Variants in TTBK2 observed in about 807,000 individuals in gnomAD.
TTBK2 encodes tau-tubulin kinase 2.
In TTBK2, 28 loss-of-function variants were observed where a neutral mutation model predicts 110.8. The observed-to-expected ratio is 0.25, with a 90% confidence interval of 0.19 to 0.35. The LOEUF (loss-of-function observed/expected upper bound fraction) is 0.35. Ranked by LOEUF, TTBK2 falls within the 10% of genes least tolerant of loss-of-function variation. TTBK2 has a pLI of 1.00. For missense variants in TTBK2, 1,369 were observed against 1,500.3 expected (o/e 0.91, Z 1.45); for synonymous variants, 532 against 527.3 (o/e 1.01, Z -0.12).
At chr15:42,755,917 C>T (rs2061939297) in intron 13 of TTBK2, among the ~76,000 whole-genome samples, 1 of 152,130 alleles carries the variant, frequency 6.6e-6, no homozygotes, top group South Asian at 2.1e-4. Flanking sequence ...AAAATCGGGC[C>T]AGGTGTGGTG....
intron 2 of TTBK2, among the ~76,000 whole-genome samples, chr15:42,876,469 A>G (rs985463125): frequency 1.3e-5 from 2 of 152,216 alleles, no homozygotes; most frequent in Admixed American, 6.5e-5. Context: ...ATAAAAGATT[A>G]GCAACTGCTG....
intron 3 of TTBK2, among the ~76,000 whole-genome samples, chr15:42,862,997 A>G (rs1894220630): frequency 1.3e-5 from 2 of 152,194 alleles, no homozygotes; most frequent in Non-Finnish European, 2.9e-5. Flanking sequence ...TTCCCATGAG[A>G]ACTGGAATAA....
In TTBK2 at chr15:42,739,348, G is replaced by T. The variant is rs1351037331; in HGVS notation, c.*6447C>A. ...CTCATTGGTCTTGTTCAACAAGAAA[G>T]AATTCTGGTTTGTGGCTGAATCTGA... On this transcript the variant is annotated 3_prime_UTR_variant, in exon 15 of 15. Transcript: ENST00000267890. The T allele has an allele frequency of 1.3e-5, 2 of 152,222 alleles. No individual in the cohort carries two copies. Among genetic ancestry groups the T allele is most frequent in the African/African-American group, 4.8e-5 (2 of 41,448 alleles). 9.4% of individuals were successfully genotyped at this position (152,222 alleles called of 1,614,324 possible). A position where few individuals can be genotyped will look rare whatever the true frequency, so the allele number is the denominator to read the frequency against.
rs886051163 is a variant in TTBK2 at position 42,920,423 on chromosome 15, G to A, written c.-68+15C>T. On this transcript the variant is annotated intron_variant, in intron 1 of 14. Transcript: ENST00000267890. ...GGGAGGGCGGCGCCCTGGGGGGTCG[G>A]GGGGTGTGTCCTACCTGGGCCGTGG... 6.6e-6 allele frequency: 1 copy of A among 152,662 alleles called. No homozygotes were observed. The highest frequency in any genetic ancestry group is 1.5e-5 in the Non-Finnish European group (1 of 68,464). 9.5% of individuals were successfully genotyped at this position (152,662 alleles called of 1,614,324 possible).
chr15:42,810,430 C>T (rs1891658167), intron 9 of TTBK2, among the ~76,000 whole-genome samples, 184 bp downstream of exon 9: 1 of 152,128 alleles, frequency 6.6e-6, no homozygotes, highest in Non-Finnish European at 1.5e-5. Flanking sequence ...AGGGATGAAA[C>T]ACATAACACA....
At chr15:42,874,480 C>A (rs1894734644) in intron 2 of TTBK2, among the ~76,000 whole-genome samples, 1 of 151,524 alleles carries the variant, frequency 6.6e-6, no homozygotes, top group Non-Finnish European at 1.5e-5. Flanking sequence ...CCACGCTTGG[C>A]TAATTTTTGT....
At chr15:42,858,464 C>A (rs1193887561) in intron 3 of TTBK2, among the ~76,000 whole-genome samples, 1 of 152,038 alleles carries the variant, frequency 6.6e-6, no homozygotes, top group African/African-American at 2.4e-5. Flanking sequence ...TAAGACTGAG[C>A]TGAGTTTTGG....
At chr15:42,832,918 A>G (rs1892822603) in intron 4 of TTBK2, among the ~76,000 whole-genome samples, 1 of 152,196 alleles carries the variant, frequency 6.6e-6, no homozygotes, top group South Asian at 2.1e-4. Context: ...TTGTAAGTAC[A>G]TTAATAAGTG....
chr15:42,823,257 G>T (rs1273708421), intron 6 of TTBK2, among the ~76,000 whole-genome samples: 3 of 152,166 alleles, frequency 2.0e-5, no homozygotes, highest in Non-Finnish European at 4.4e-5. Flanking sequence ...ACTGGGGAAT[G>T]CCTTAAAAGC....
chr15:42,911,570 T>A (rs555605375), intron 1 of TTBK2, among the ~76,000 whole-genome samples: 1 of 152,328 alleles, frequency 6.6e-6, no homozygotes, highest in East Asian at 1.9e-4. Flanking sequence ...TACACTGGAC[T>A]TGCCCTCTTT....
In TTBK2 at chr15:42,739,720, T is replaced by C. The variant is rs541265104; in HGVS notation, c.*6075A>G. 3.3e-5 allele frequency: 5 copies of C among 152,340 alleles called. No individual in the cohort carries two copies. In the South Asian group the frequency reaches 8.3e-4, roughly 25 times the overall value. The allele number at this position is 152,340 out of a possible 1,614,324, so 9.4% of individuals were successfully genotyped here. On this transcript the variant is annotated 3_prime_UTR_variant, in exon 15 of 15. Transcript: ENST00000267890. ...TACTTTGGCTGATGAACAGTTCAAA[T>C]AGAAGATTGTTTTGGAAAAAGTCCC...
At chr15:42,787,830 G>A (rs976762866) in intron 10 of TTBK2, among the ~76,000 whole-genome samples, 13 of 151,694 alleles carry the variant, frequency 8.6e-5, no homozygotes, top group African/African-American at 2.7e-4. Flanking sequence ...GTCATGTATC[G>A]CTTAACAACG....
chr15:42,753,955 T>A (rs1291549472), intron 13 of TTBK2, among the ~76,000 whole-genome samples: 2 of 152,220 alleles, frequency 1.3e-5, no homozygotes, highest in Admixed American at 1.3e-4. Flanking sequence ...TAATTGTTCA[T>A]TGAAAAACTC....
intron 6 of TTBK2, among the ~76,000 whole-genome samples, chr15:42,827,645 C>T (rs112951893): frequency 0.016 from 2,431 of 152,194 alleles, 57 homozygotes; most frequent in African/African-American, 0.055. Context: ...AGAATTATAG[C>T]ATGTAGAAAG....
intron 3 of TTBK2, among the ~76,000 whole-genome samples, chr15:42,867,040 C>A (rs1003379103): frequency 6.6e-6 from 1 of 151,774 alleles, no homozygotes; most frequent in Non-Finnish European, 1.5e-5. Flanking sequence ...GTCAGGAGAT[C>A]GAGACCATCC....
chr15:42,813,513 C>T (rs908766829), intron 7 of TTBK2, among the ~76,000 whole-genome samples: 2 of 151,544 alleles, frequency 1.3e-5, no homozygotes, highest in Non-Finnish European at 2.9e-5. Flanking sequence ...CAGAGCAAGA[C>T]TCTCCCAAAA....
intron 13 of TTBK2, among the ~76,000 whole-genome samples, chr15:42,761,089 G>T (rs1361152829): frequency 6.6e-6 from 1 of 152,146 alleles, no homozygotes; most frequent in Non-Finnish European, 1.5e-5. Context: ...GGAAAGAACA[G>T]TCTCTTCAAT....
intron 11 of TTBK2, among the ~76,000 whole-genome samples, chr15:42,777,679 C>CA (rs1376448489): frequency 2.0e-5 from 3 of 152,084 alleles, no homozygotes; most frequent in Admixed American, 2.0e-4. Flanking sequence ...CTCTAAAAAA[C>CA]AAAAAACAAC....
At chr15:42,862,221 C>T (rs1595995695) in intron 3 of TTBK2, among the ~76,000 whole-genome samples, 1 of 152,060 alleles carries the variant, frequency 6.6e-6, no homozygotes, top group East Asian at 1.9e-4. Flanking sequence ...GTGGCTCCTC[C>T]CTAATTCATT....
Sources: allele counts gnomAD v4.1 joint callset (sites outside exome capture counted in the v4.1 genomes callset), GRCh38; gene constraint gnomAD v4.1.1; transcripts MANE v1.5; gene names NCBI Gene and HGNC (gene_info 2026-07-23, HGNC 2026-07-21).